The following DOP1B variants were observed in gnomAD, a reference collection of about 807,000 sequenced individuals.
DOP1B encodes DOP1 leucine zipper like protein B.
DOP1B carries 174 observed loss-of-function variants against 233.5 expected under a neutral mutation model. The ratio of observed to expected loss-of-function variants is 0.75; its 90% CI spans 0.66 to 0.85. The LOEUF (loss-of-function observed/expected upper bound fraction) is 0.85. Among genes scored for constraint, DOP1B ranks in the 40% least tolerant of loss-of-function variants. The pLI is 0.00. For missense variants in DOP1B, 2,652 were observed against 2,846.6 expected (o/e 0.93, Z 1.56); for synonymous variants, 1,190 against 1,185.6 (o/e 1.00, Z -0.08).
intron 24 of DOP1B, chr21:36,261,546 G>C (rs1465771887): frequency 1.0e-6 from 1 of 985,354 alleles, no homozygotes; most frequent in African/African-American, 1.7e-5. Context: ...TGAAAAAGAA[G>C]CTTTACTGGA....
Position 36,182,064 on chromosome 21 carries a change from G to T in DOP1B, c.139-17006G>T, listed in dbSNP as rs2066105442. Among the ~76,000 whole-genome samples, 5 of 152,254 alleles carry T rather than the reference G, an allele frequency of 3.3e-5. No individual in the cohort carries two copies. In the South Asian group the frequency reaches 1.0e-3, roughly 32 times the overall value. Reference sequence around the variant, plus strand: ...TTATATATTACTCTTGTGTTTGGGGGTCATTCTTGTACTTAGGCTAGATTT... The same window carrying T: ...TTATATATTACTCTTGTGTTTGGGGTTCATTCTTGTACTTAGGCTAGATTT... On this transcript the variant is annotated intron_variant, in intron 2 of 36. Coordinates refer to ENST00000691173, the MANE Select transcript of DOP1B (RefSeq NM_001320714.2).
intron 23 of DOP1B, among the ~76,000 whole-genome samples, chr21:36,255,241 T>C (rs1237080427): frequency 6.6e-6 from 1 of 151,988 alleles, no homozygotes; most frequent in East Asian, 1.9e-4. Context: ...AAGTGATTCT[T>C]GTGTCTCAGC....
At chr21:36,201,756 A>C (rs2066370379) in intron 4 of DOP1B, among the ~76,000 whole-genome samples, 1 of 152,228 alleles carries the variant, frequency 6.6e-6, no homozygotes, top group African/African-American at 2.4e-5. Flanking sequence ...GATGTGAAGC[A>C]GAATATCTTG....
At chr21:36,228,350 T>C (rs1031424937) in intron 13 of DOP1B, among the ~76,000 whole-genome samples, 5 of 151,480 alleles carry the variant, frequency 3.3e-5, no homozygotes, top group Non-Finnish European at 7.4e-5. Flanking sequence ...GTAGTCCCAG[T>C]TACTTGGGAG....
At chr21:36,169,588 CT>C (rs2065951798) in intron 2 of DOP1B, 1 of 1,025,840 alleles carries the variant, frequency 9.7e-7, no homozygotes, top group African/African-American at 1.6e-5. Context: ...GTAGCCCCTC[CT>C]GGGCTCAGTC....
intron 23 of DOP1B, 53 bp from the exon 24 acceptor site, chr21:36,260,624 T>G (rs2067159253): frequency 6.2e-7 from 1 of 1,609,622 alleles, no homozygotes; most frequent in East Asian, 2.2e-5. Flanking sequence ...TCTGAATTCT[T>G]TTAGCCTTAT....
In DOP1B at chr21:36,239,929, A is replaced by G. The variant is rs1028778384; in HGVS notation, c.3041A>G (p.His1014Arg). 3 of 1,610,446 alleles carry G rather than the reference A, an allele frequency of 1.9e-6. No homozygotes were observed. In the African/African-American group the frequency reaches 4.0e-5, roughly 22 times the overall value. Residue 1014 changes from histidine to arginine, a missense_variant, in exon 18 of 37, where the codon CAC (histidine) becomes CGC (arginine). Around this residue, in one of 3 missense-constraint regions of DOP1B, gnomAD observed 2,617 missense variants for 2,794.3 expected, o/e 0.94. Coordinates refer to ENST00000691173, the MANE Select transcript of DOP1B (RefSeq NM_001320714.2). Reference sequence around the variant, plus strand: ...CCAAAAACCCAGAGAACCTCCATCCACTGCCTCAAGCAGGAGAACTCGGCC... The same window carrying G: ...CCAAAAACCCAGAGAACCTCCATCCGCTGCCTCAAGCAGGAGAACTCGGCC... ...LQPKTQRTSI[H>R]CLKQENSADD... is the part of the protein sequence containing the mutation.
In DOP1B at chr21:36,258,492, G is replaced by A. The variant is rs141757439; in HGVS notation, c.5260-2185G>A. The stretch of plus-strand genomic sequence containing the variant: ...AGGGTGGCACATATCACGCATGTGC[G>A]TGAACACCCAATCATCACACTAATG... On this transcript the variant is annotated intron_variant, in intron 23 of 36. Coordinates refer to ENST00000691173, the MANE Select transcript of DOP1B (RefSeq NM_001320714.2). Among the ~76,000 whole-genome samples the A allele has an allele frequency of 9.2e-5, 14 of 152,178 alleles. No homozygotes were observed. In the East Asian group the frequency reaches 2.1e-3, roughly 23 times the overall value.
intron 12 of DOP1B, among the ~76,000 whole-genome samples, chr21:36,226,723 G>A (rs1288571119): frequency 1.3e-5 from 2 of 152,008 alleles, no homozygotes; most frequent in Non-Finnish European, 2.9e-5. Context: ...CCTCCCAAGT[G>A]TCTGAGACCA....
chr21:36,191,663 G>A (rs2066236054), intron 2 of DOP1B, among the ~76,000 whole-genome samples: 1 of 151,968 alleles, frequency 6.6e-6, no homozygotes, highest in Non-Finnish European at 1.5e-5. Context: ...GCACGTGCCT[G>A]TAATCCTGGC....
At chr21:36,183,313 G>A (rs2066123044) in intron 2 of DOP1B, among the ~76,000 whole-genome samples, 2 of 152,166 alleles carry the variant, frequency 1.3e-5, no homozygotes, top group African/African-American at 4.8e-5. Context: ...TCCCCTGGGG[G>A]CAAAATTTCC....
chr21:36,220,574 C>G (rs537017176), intron 10 of DOP1B, among the ~76,000 whole-genome samples: 2 of 152,120 alleles, frequency 1.3e-5, no homozygotes, highest in South Asian at 4.2e-4. Context: ...GAACATGGCT[C>G]TCTGCAGCCT....
intron 2 of DOP1B, among the ~76,000 whole-genome samples, chr21:36,178,630 G>A (rs1275448965): frequency 1.3e-5 from 2 of 152,104 alleles, no homozygotes; most frequent in African/African-American, 4.8e-5. Context: ...GTGGTATTTT[G>A]TTATGGCAGC....
chr21:36,264,628 C>T (rs539448794), intron 26 of DOP1B, among the ~76,000 whole-genome samples: 4 of 151,980 alleles, frequency 2.6e-5, no homozygotes, highest in South Asian at 2.1e-4. Context: ...CATGCCACCA[C>T]GCCCGGCTAA....
At chr21:36,233,958 A>G (rs921406614) in intron 15 of DOP1B, among the ~76,000 whole-genome samples, 3 of 151,962 alleles carry the variant, frequency 2.0e-5, no homozygotes, top group East Asian at 1.9e-4. Context: ...TGTTCAAGCA[A>G]TTCTCCTGCC....
chr21:36,197,650 C>T (rs1200453041), intron 2 of DOP1B, among the ~76,000 whole-genome samples: 1 of 152,078 alleles, frequency 6.6e-6, no homozygotes, highest in Non-Finnish European at 1.5e-5. Context: ...GCAAGGTGGC[C>T]GGAAGGGCAT....
intron 26 of DOP1B, among the ~76,000 whole-genome samples, chr21:36,267,351 C>T (rs2067241349): frequency 6.6e-6 from 1 of 152,206 alleles, no homozygotes. Flanking sequence ...GAAAGCCAAT[C>T]CACTGAATAC....
intron 4 of DOP1B, among the ~76,000 whole-genome samples, chr21:36,206,877 G>A (rs540582433): frequency 1.5e-4 from 23 of 152,202 alleles, no homozygotes; most frequent in Admixed American, 5.9e-4. Flanking sequence ...CATTACTTAT[G>A]TCTCTTCATT....
At chr21:36,184,833 C>G (rs2066145316) in intron 2 of DOP1B, among the ~76,000 whole-genome samples, 1 of 152,230 alleles carries the variant, frequency 6.6e-6, no homozygotes, top group Non-Finnish European at 1.5e-5. Context: ...AACAGCCACT[C>G]TGCGCCCAAT....
Sources: allele counts gnomAD v4.1 joint callset (sites outside exome capture counted in the v4.1 genomes callset), GRCh38; gene constraint gnomAD v4.1.1; regional missense constraint gnomAD v4.1.1; transcripts MANE v1.5; gene names NCBI Gene and HGNC (gene_info 2026-07-23, HGNC 2026-07-21).